Variants in ALDH1A2 observed in about 807,000 individuals in gnomAD.
ALDH1A2 encodes aldehyde dehydrogenase 1 family member A2, also known as retinal dehydrogenase 2.
ALDH1A2 carries 27 observed loss-of-function variants against 60.3 expected under a neutral mutation model. The observed-to-expected ratio is 0.45, with a 90% CI of 0.33 to 0.62. The LOEUF (loss-of-function observed/expected upper bound fraction) is 0.62. Among genes scored for constraint, ALDH1A2 ranks in the 20% least tolerant of loss-of-function variants. The probability of loss-of-function intolerance (pLI) is 0.02; values close to 1 mark genes in which losing one functional copy is unlikely to be tolerated. For missense variants in ALDH1A2, 581 were observed against 643.8 expected (o/e 0.90, Z 1.06); for synonymous variants, 289 against 232.4 (o/e 1.24, Z -2.21).
chr15:57,980,023 A>G, intron 7 of ALDH1A2: 1 of 330,062 alleles, frequency 3.0e-6, no homozygotes, highest in Non-Finnish European at 6.3e-6. Flanking sequence ...ACCCATCTGG[A>G]GGCCAATGAT....
chr15:57,977,320 G>A (rs1894296961), intron 7 of ALDH1A2, among the ~76,000 whole-genome samples: 4 of 152,156 alleles, frequency 2.6e-5, no homozygotes, highest in Admixed American at 1.3e-4. Context: ...CCTTGCCCAT[G>A]CCTATGTCCT....
intron 1 of ALDH1A2, among the ~76,000 whole-genome samples, chr15:58,020,901 C>T (rs74018815): frequency 1.5e-3 from 224 of 152,214 alleles, no homozygotes; most frequent in African/African-American, 5.1e-3. Context: ...TAAATTTCTA[C>T]CTTTATAATT....
chr15:58,058,210 A>G, intron 1 of ALDH1A2: 1 of 699,972 alleles, frequency 1.4e-6, no homozygotes, highest in Non-Finnish European at 2.4e-6. Flanking sequence ...CCCACCTGAA[A>G]TCGTGCCACT....
intron 1 of ALDH1A2, among the ~76,000 whole-genome samples, chr15:58,047,972 T>C (rs1896675886): frequency 6.6e-6 from 1 of 152,064 alleles, no homozygotes; most frequent in Admixed American, 6.6e-5. Context: ...AGCATGGTTT[T>C]AGAAAGCTTG....
intron 7 of ALDH1A2, among the ~76,000 whole-genome samples, chr15:57,989,448 A>C (rs1016821612): frequency 6.6e-6 from 1 of 152,204 alleles, no homozygotes; most frequent in East Asian, 1.9e-4. Context: ...TTTCTTCTAA[A>C]AGAATAAATG....
intron 1 of ALDH1A2, among the ~76,000 whole-genome samples, chr15:58,037,138 A>C (rs1300915827): frequency 6.6e-6 from 1 of 151,704 alleles, no homozygotes; most frequent in African/African-American, 2.4e-5. Context: ...CACTGTCCTC[A>C]AAGTAAGTAG....
intron 12 of ALDH1A2, among the ~76,000 whole-genome samples, chr15:57,957,234 C>A (rs1893558211): frequency 6.6e-6 from 1 of 152,140 alleles, no homozygotes; most frequent in Non-Finnish European, 1.5e-5. Context: ...CACTGTCATC[C>A]TCTTGGTGCC....
chr15:58,064,433 GTA>G lies in ALDH1A2; in HGVS notation c.117+1099_117+1100del, dbSNP rs548326036. On this transcript the variant is annotated intron_variant, in intron 1 of 12. Transcript: ENST00000249750. ...TCTCAATATTCTGATGTTGTTTCTT[GTA>G]TATCTCATTCAACCACTAAGCCAGA... Among the ~76,000 whole-genome samples, 959 of 152,238 alleles carry G rather than the reference GTA, an allele frequency of 6.3e-3. 5 individuals carry two copies. Among genetic ancestry groups the G allele is most frequent in the Middle Eastern group, 0.017 (5 of 294 alleles).
intron 1 of ALDH1A2, among the ~76,000 whole-genome samples, chr15:58,040,579 A>T (rs1376746819): frequency 6.6e-6 from 1 of 151,934 alleles, no homozygotes; most frequent in Admixed American, 6.6e-5. Flanking sequence ...ATCCAAGTTC[A>T]CACCACAAAT....
intron 7 of ALDH1A2, among the ~76,000 whole-genome samples, chr15:57,979,222 C>T (rs1894392161): frequency 6.6e-6 from 1 of 152,106 alleles, no homozygotes; most frequent in Non-Finnish European, 1.5e-5. Flanking sequence ...ATAGACAGGC[C>T]CCCTTTCCCA....
chr15:57,973,421 A>T (rs1246926827), intron 7 of ALDH1A2, among the ~76,000 whole-genome samples: 1 of 152,192 alleles, frequency 6.6e-6, no homozygotes, highest in African/African-American at 2.4e-5. Context: ...GACACTTTGT[A>T]ATGTACCAAT....
chr15:57,976,734 T>C (rs1894272174), intron 7 of ALDH1A2, among the ~76,000 whole-genome samples: 1 of 152,214 alleles, frequency 6.6e-6, no homozygotes, highest in Non-Finnish European at 1.5e-5. Context: ...TACAAGTGCA[T>C]GTGTCTTTAT....
At chr15:57,969,294 T>C (rs1190530937) in intron 7 of ALDH1A2, among the ~76,000 whole-genome samples, 1 of 152,214 alleles carries the variant, frequency 6.6e-6, no homozygotes, top group Non-Finnish European at 1.5e-5. Flanking sequence ...AGATGTTCAA[T>C]AAATGTGGCT....
At chr15:58,038,142 T>C (rs978594784) in intron 1 of ALDH1A2, among the ~76,000 whole-genome samples, 2 of 151,660 alleles carry the variant, frequency 1.3e-5, no homozygotes, top group East Asian at 3.9e-4. Context: ...CCCTACTTCC[T>C]TCCCTTCCTT....
At chr15:57,976,191 G>T (rs1292194370) in intron 7 of ALDH1A2, among the ~76,000 whole-genome samples, 1 of 152,136 alleles carries the variant, frequency 6.6e-6, no homozygotes, top group Non-Finnish European at 1.5e-5. Flanking sequence ...ATTCCATTCT[G>T]GCAAACTCAG....
chr15:57,973,896 T>C (rs1268772821), intron 7 of ALDH1A2, among the ~76,000 whole-genome samples: 2 of 152,214 alleles, frequency 1.3e-5, no homozygotes, highest in African/African-American at 2.4e-5. Context: ...ATTTTAACTA[T>C]TCCTAAAAGC....
At chr15:57,979,474 C>A (rs1349833078) in intron 7 of ALDH1A2, among the ~76,000 whole-genome samples, 3 of 152,044 alleles carry the variant, frequency 2.0e-5, no homozygotes, top group Non-Finnish European at 4.4e-5. Flanking sequence ...CCAGCAGGGA[C>A]CCTCACCATA....
In ALDH1A2 at chr15:57,955,126, A is replaced by G; in HGVS notation, c.*71T>C. 6.9e-7 allele frequency: 1 copy of G among 1,459,108 alleles called. No individual in the cohort carries two copies. Among genetic ancestry groups the G allele is most frequent in the Non-Finnish European group, 9.6e-7 (1 of 1,038,692 alleles). The allele number at this position is 1,459,108 out of a possible 1,614,324, so 90.4% of individuals were successfully genotyped here. ...CGTGGCTCAACTTTGTATTCCTGAG[A>G]GCTGGGCCCTACAGAGAAAGCAGAG... On this transcript the variant is annotated 3_prime_UTR_variant, in exon 13 of 13. Coordinates refer to ENST00000249750, the MANE Select transcript of ALDH1A2 (RefSeq NM_003888.4).
At chr15:58,058,045 A>T (rs1369052057) in intron 1 of ALDH1A2, 2 of 1,520,488 alleles carry the variant, frequency 1.3e-6, no homozygotes, top group East Asian at 4.9e-5. Flanking sequence ...TTAACCAAAC[A>T]GTCTCACACT....
Sources: allele counts gnomAD v4.1 joint callset (sites outside exome capture counted in the v4.1 genomes callset), GRCh38; gene constraint gnomAD v4.1.1; transcripts MANE v1.5; gene names NCBI Gene and HGNC (gene_info 2026-07-23, HGNC 2026-07-21).